Variants in CEP350 observed in about 807,000 individuals in gnomAD.
The protein encoded by CEP350 is centrosomal protein 350.
A neutral mutation model predicts 331.8 loss-of-function variants in CEP350; 126 were observed. That is an observed-to-expected ratio of 0.38 (90% confidence interval 0.33 to 0.44). The LOEUF (loss-of-function observed/expected upper bound fraction) is 0.44. Among genes scored for constraint, CEP350 ranks in the 20% least tolerant of loss-of-function variants. The pLI, the probability that CEP350 is intolerant of heterozygous loss-of-function variation, is 1.00. For synonymous variants in CEP350, 1,200 were observed against 1,259.5 expected (o/e 0.95, Z 1.00); for missense variants, 3,406 against 3,634.6 (o/e 0.94, Z 1.62).
intron 37 of CEP350, among the ~76,000 whole-genome samples, chr1:180,102,880 G>A (rs1443341067): frequency 2.0e-5 from 3 of 152,142 alleles, no homozygotes; most frequent in African/African-American, 4.8e-5. Context: ...CATTGTCTGC[G>A]GTGAATACCC....
intron 1 of CEP350, among the ~76,000 whole-genome samples, chr1:179,970,324 G>A (rs549053041): frequency 1.8e-4 from 27 of 152,202 alleles, no homozygotes; most frequent in Non-Finnish European, 2.8e-4. Context: ...AGTAGAAACA[G>A]GTGAGACTAA....
At chr1:180,061,306 C>T (rs1400854774) in intron 25 of CEP350, among the ~76,000 whole-genome samples, 2 of 152,096 alleles carry the variant, frequency 1.3e-5, no homozygotes, top group African/African-American at 4.8e-5. Flanking sequence ...GGTTGATCCT[C>T]CCACCTCAGC....
chr1:180,039,128 TG>T (rs1217351269), intron 17 of CEP350, among the ~76,000 whole-genome samples: 2 of 34,030 alleles, frequency 5.9e-5, no homozygotes, highest in East Asian at 8.5e-4. Flanking sequence ...TTGGGCGTGG[TG>T]GGGGGGTGGG....
intron 1 of CEP350, among the ~76,000 whole-genome samples, chr1:179,966,308 C>G (rs1571782410): frequency 6.6e-6 from 1 of 152,078 alleles, no homozygotes; most frequent in African/African-American, 2.4e-5. Flanking sequence ...GATTTGGGAG[C>G]CCTCATTTTC....
In CEP350 at chr1:179,954,980, C is replaced by T. The variant is rs569737699; in HGVS notation, c.-176C>T. ...CGCCTTGTCTTCCTTCCCAGCGGAC[C>T]GGCGGATCCCCGGAGCCGGTGCGAG... On this transcript the variant is annotated 5_prime_UTR_variant, in exon 1 of 38. Transcript: ENST00000367607. 1.6e-6 allele frequency: 2 copies of T among 1,223,976 alleles called. No individual in the cohort carries two copies. Among genetic ancestry groups the T allele is most frequent in the South Asian group, 2.2e-5 (1 of 46,052 alleles). 75.8% of individuals were successfully genotyped at this position (1,223,976 alleles called of 1,614,324 possible).
chr1:180,031,272 A>G (rs1195934035), intron 14 of CEP350, 48 bp from the exon 15 acceptor site: 7 of 1,126,320 alleles, frequency 6.2e-6, no homozygotes, highest in Admixed American at 3.9e-5. Flanking sequence ...ATCTCTCTCA[A>G]TAACTTCTAA....
At chr1:180,098,223 C>G (rs1660598079) in intron 36 of CEP350, among the ~76,000 whole-genome samples, 2 of 152,148 alleles carry the variant, frequency 1.3e-5, no homozygotes, top group South Asian at 4.1e-4. Flanking sequence ...GCCGCCTTGG[C>G]CTTTCAAAGT....
chr1:180,044,278 A>T, intron 21 of CEP350, 105 bp downstream of exon 21: 2 of 1,170,416 alleles, frequency 1.7e-6, no homozygotes, highest in Non-Finnish European at 2.3e-6. Context: ...TAAATAGAAC[A>T]GTGTGTGCCC....
intron 27 of CEP350, among the ~76,000 whole-genome samples, chr1:180,068,504 AGG>A (rs1658678629): frequency 6.6e-6 from 1 of 152,102 alleles, no homozygotes; most frequent in Non-Finnish European, 1.5e-5. Flanking sequence ...TATTACTGTG[AGG>A]GATATTATTT....
At chr1:180,033,163 A>C (rs1463612421) in intron 15 of CEP350, among the ~76,000 whole-genome samples, 1 of 152,178 alleles carries the variant, frequency 6.6e-6, no homozygotes, top group African/African-American at 2.4e-5. Flanking sequence ...GTGCAAGGCA[A>C]CATGCTTGAT....
intron 31 of CEP350, among the ~76,000 whole-genome samples, chr1:180,084,919 A>G (rs1659771162): frequency 6.6e-6 from 1 of 151,692 alleles, no homozygotes; most frequent in African/African-American, 2.4e-5. Context: ...TTTTTTTTCT[A>G]AATAAGAAAG....
chr1:179,958,025 CATAACTG>C (rs1214431940), intron 1 of CEP350, among the ~76,000 whole-genome samples: 60 of 152,258 alleles, frequency 3.9e-4, no homozygotes, highest in Middle Eastern at 6.8e-3. Flanking sequence ...TAGTTGATTT[CATAACTG>C]GGAGAAGAAT....
chr1:180,083,196 A>G (rs1337821176), intron 30 of CEP350, among the ~76,000 whole-genome samples: 2 of 152,208 alleles, frequency 1.3e-5, no homozygotes, highest in Non-Finnish European at 2.9e-5. Context: ...GTCTCACTCA[A>G]CATTAGTATA....
At chr1:180,098,726 G>GT in intron 36 of CEP350, 137 bp from the exon 37 acceptor site, 1 of 699,334 alleles carries the variant, frequency 1.4e-6, no homozygotes, top group East Asian at 2.8e-5. Context: ...ATGTGGAACT[G>GT]TAAGTGGAAG....
At chr1:180,073,715 T>TAA (rs759470355) in intron 27 of CEP350, 18 of 1,216,838 alleles carry the variant, frequency 1.5e-5, no homozygotes, top group Non-Finnish European at 2.0e-5. Context: ...ACTCAGCTCT[T>TAA]ACGCTTTCCC....
At chr1:180,071,591 A>T (rs1156752619) in intron 27 of CEP350, among the ~76,000 whole-genome samples, 1 of 152,144 alleles carries the variant, frequency 6.6e-6, no homozygotes, top group Non-Finnish European at 1.5e-5. Context: ...AGCCTGGCCA[A>T]CATGGTGAAA....
chr1:179,968,873 T>C, intron 1 of CEP350: 2 of 746,756 alleles, frequency 2.7e-6, no homozygotes, highest in South Asian at 2.7e-5. Flanking sequence ...GATGTCAGTG[T>C]CATATTCTGC....
At position 180,020,359 on chromosome 1, in the gene CEP350, A is replaced by G; in HGVS notation, c.2585A>G (p.Asp862Gly). Residue 862 changes from aspartate (D) to glycine (G), a missense_variant, in exon 12 of 38, where the codon GAT (aspartate) becomes GGT (glycine). This residue lies in a region of CEP350 where 1,857 missense variants were observed against 1,909.2 expected (regional missense o/e 0.97). Transcript: ENST00000367607. ...GGGTCAGCATGGAACACTGAGTATGATGTGCAGCAGGCACCTCAAGAAGAT... is the reference window on the plus strand; with the variant it reads ...GGGTCAGCATGGAACACTGAGTATGGTGTGCAGCAGGCACCTCAAGAAGAT... Reference protein sequence around the residue: ...NYGSAWNTEYDVQQAPQEDGP... With the variant: ...NYGSAWNTEYGVQQAPQEDGP... 1 of 1,613,810 alleles carries G rather than the reference A, an allele frequency of 6.2e-7. No homozygotes were observed. The highest frequency in any genetic ancestry group is 8.5e-7 in the Non-Finnish European group (1 of 1,179,902).
chr1:179,986,186 G>A lies in CEP350; in HGVS notation c.5G>A (p.Arg2Lys). 6.4e-7 allele frequency: 1 copy of A among 1,551,136 alleles called. No individual in the cohort carries two copies. The highest frequency in any genetic ancestry group is 8.7e-7 in the Non-Finnish European group (1 of 1,146,628). Reference protein sequence around the residue: MRSSKSKEVPLP... With the variant: MKSSKSKEVPLP... ...GATTGCAGGTAAATTGGCAGGATGA[G>A]GAGCAGCAAATCAAAAGAGGTGCCT... is the stretch of plus-strand genomic sequence containing the variant. Residue 2 changes from arginine to lysine, a missense_variant, in exon 2 of 38, where the codon AGG (arginine) becomes AAG (lysine). Transcript: ENST00000367607.
Sources: gnomAD v4.1 joint callset for allele counts (sites outside exome capture counted in the v4.1 genomes callset) on GRCh38, gnomAD v4.1.1 for gene constraint, gnomAD v4.1.1 regional missense constraint, MANE v1.5 for transcripts, NCBI Gene and HGNC (gene_info 2026-07-23, HGNC 2026-07-21) for gene names.